Variants in EIF4G3 observed in about 807,000 individuals in gnomAD.
EIF4G3 encodes the protein eIF-4-gamma 3.
A neutral mutation model predicts 186.4 loss-of-function variants in EIF4G3; 34 were observed. That is an observed-to-expected ratio of 0.18 (90% confidence interval 0.14 to 0.24). The LOEUF (loss-of-function observed/expected upper bound fraction) is 0.24. Ranked by LOEUF, EIF4G3 falls within the 10% of genes least tolerant of loss-of-function variation. The pLI is 1.00. For missense variants in EIF4G3, 1,536 were observed against 1,948.5 expected (o/e 0.79, Z 3.99); for synonymous variants, 673 against 679.5 (o/e 0.99, Z 0.15).
chr1:20,927,865 G>A (rs1282240709), intron 14 of EIF4G3, among the ~76,000 whole-genome samples: 2 of 151,942 alleles, frequency 1.3e-5, no homozygotes, highest in East Asian at 3.9e-4. Context: ...GGTGTTTTTT[G>A]TTTTGTTTTT....
At chr1:21,094,093 A>G (rs1223243106) in intron 2 of EIF4G3, among the ~76,000 whole-genome samples, 3 of 152,002 alleles carry the variant, frequency 2.0e-5, no homozygotes, top group African/African-American at 7.3e-5. Flanking sequence ...CTAAAACTTA[A>G]AGTATAATAA....
chr1:20,849,415 C>T lies in EIF4G3; in HGVS notation c.3888G>A (p.Lys1296=). 1 of 1,481,728 alleles carries T rather than the reference C, an allele frequency of 6.7e-7. No homozygotes were observed. Among genetic ancestry groups the T allele is most frequent in the Non-Finnish European group, 9.1e-7 (1 of 1,097,112 alleles). The allele number at this position is 1,481,728 out of a possible 1,614,324, so 91.8% of individuals were successfully genotyped here. Residue 1296 remains lysine (K), a splice_region_variant and synonymous_variant, in exon 29 of 37, where the codon AAG becomes AAA. Coordinates refer to ENST00000602326, the MANE Select transcript of EIF4G3 (RefSeq NM_001391906.1). ...GTGTTTTTTTTTTAATCTCATTTAC[C>T]TTAAAATCATTAATGTGTAGAAATT... ...IDEFLHINDF[K]EAMQCVEELN...
chr1:21,172,897 T>C (rs537951312), intron 2 of EIF4G3, among the ~76,000 whole-genome samples: 43 of 150,852 alleles, frequency 2.9e-4, no homozygotes, highest in Middle Eastern at 3.4e-3. Context: ...TCCCAGCACT[T>C]TGGGAGGTAG....
intron 32 of EIF4G3, 51 bp from the exon 33 acceptor site, chr1:20,825,249 CAGA>C: frequency 4.7e-5 from 10 of 213,730 alleles, no homozygotes; most frequent in South Asian, 3.7e-4. Flanking sequence ...GAAGAAGAAA[CAGA>C]AAAAAAAAAA....
chr1:20,968,353 T>C (rs2075155821), intron 12 of EIF4G3, among the ~76,000 whole-genome samples: 1 of 152,076 alleles, frequency 6.6e-6, no homozygotes. Flanking sequence ...CTAATTTTTG[T>C]ATTTTTAGTA....
At chr1:20,854,618 T>C (rs2074335429) in intron 26 of EIF4G3, among the ~76,000 whole-genome samples, 1 of 151,306 alleles carries the variant, frequency 6.6e-6, no homozygotes. Context: ...GGCAGGAAGA[T>C]TGCTTGAACC....
chr1:21,023,406 T>C (rs942227084), intron 4 of EIF4G3, among the ~76,000 whole-genome samples: 7 of 150,486 alleles, frequency 4.7e-5, no homozygotes, highest in East Asian at 2.0e-4. Context: ...GTGCCTGCGA[T>C]TGCAGGCACG....
chr1:20,969,350 A>G, intron 12 of EIF4G3, 124 bp downstream of exon 12: 3 of 1,122,432 alleles, frequency 2.7e-6, no homozygotes, highest in Non-Finnish European at 2.5e-6. Context: ...TACCATTTAG[A>G]TATTCGAGGC....
intron 4 of EIF4G3, among the ~76,000 whole-genome samples, chr1:21,017,227 G>T (rs1460907991): frequency 1.3e-5 from 2 of 152,126 alleles, no homozygotes; most frequent in Non-Finnish European, 2.9e-5. Context: ...AACAAATACT[G>T]TTTGATTCCA....
At position 20,851,353 on chromosome 1, in the gene EIF4G3, C is replaced by A. The variant is rs541460610; in HGVS notation, c.3677G>T (p.Arg1226Leu). ...CTTCACGGTCTCCAGCATCTCTCTC[C>A]GCTGCTCTTCTTGAGACTGATTGTC... ...LLDNQSQEEQ[R>L]REMLETVKQL... The change falls in exon 28 of 37, where the codon CGG (arginine) becomes CTG (leucine). Residue 1226 changes from arginine (R) to leucine (L), a missense_variant. By Grantham distance (102) the Arg-to-Leu change is moderately radical. Transcript: ENST00000602326. 2 of 1,614,124 alleles carry A rather than the reference C, an allele frequency of 1.2e-6. No homozygotes were observed. Among genetic ancestry groups the A allele is most frequent in the South Asian group, 2.2e-5 (2 of 91,086 alleles).
chr1:21,176,620 A>AGCC (rs1244141116), intron 1 of EIF4G3, 102 bp downstream of exon 1: 5 of 239,110 alleles, frequency 2.1e-5, no homozygotes. Flanking sequence ...CGGCAGCAGC[A>AGCC]GCCGCCCCGC....
intron 12 of EIF4G3, among the ~76,000 whole-genome samples, chr1:20,960,336 G>A (rs528003543): frequency 6.6e-5 from 10 of 151,788 alleles, no homozygotes; most frequent in Non-Finnish European, 1.2e-4. Flanking sequence ...CATGGTGGCA[G>A]GCACCTGTAA....
intron 2 of EIF4G3, among the ~76,000 whole-genome samples, chr1:21,166,256 TAA>T (rs59903518): frequency 8.1e-4 from 113 of 139,156 alleles, no homozygotes; most frequent in Non-Finnish European, 8.0e-4. Flanking sequence ...CTGAGATCTC[TAA>T]AAAAAAAAAA....
intron 9 of EIF4G3, 64 bp downstream of exon 9, chr1:20,980,984 T>C: frequency 2.3e-6 from 3 of 1,326,812 alleles, no homozygotes; most frequent in Non-Finnish European, 3.0e-6. Flanking sequence ...CAGCTCCCTC[T>C]GATGTGAATC....
intron 2 of EIF4G3, among the ~76,000 whole-genome samples, chr1:21,163,802 G>C (rs1021056397): frequency 6.6e-6 from 1 of 152,050 alleles, no homozygotes; most frequent in African/African-American, 2.4e-5. Context: ...GACAGGGTCT[G>C]GCTCTGTAGC....
chr1:20,896,516 A>C (rs1420478840), intron 16 of EIF4G3, among the ~76,000 whole-genome samples: 2 of 152,082 alleles, frequency 1.3e-5, no homozygotes, highest in African/African-American at 4.8e-5. Context: ...GTTTTAAGCT[A>C]AATATTATTA....
intron 18 of EIF4G3, among the ~76,000 whole-genome samples, chr1:20,886,637 A>C (rs1034477059): frequency 6.6e-6 from 1 of 152,236 alleles, no homozygotes; most frequent in Admixed American, 6.5e-5. Context: ...AATGAGAAAG[A>C]CTAGTCCTAA....
At chr1:20,883,609 C>T (rs1389941045) in intron 19 of EIF4G3, among the ~76,000 whole-genome samples, 1 of 146,324 alleles carries the variant, frequency 6.8e-6, no homozygotes, top group Non-Finnish European at 1.5e-5. Context: ...AGAGCGAGAG[C>T]GAGACTCCAT....
intron 2 of EIF4G3, among the ~76,000 whole-genome samples, chr1:21,163,003 C>G (rs963767843): frequency 2.0e-5 from 3 of 152,080 alleles, no homozygotes; most frequent in African/African-American, 7.2e-5. Flanking sequence ...GAAAGCTGAA[C>G]CAGAAAAATC....
Sources: gnomAD v4.1 joint callset for allele counts (sites outside exome capture counted in the v4.1 genomes callset) on GRCh38, gnomAD v4.1.1 for gene constraint, MANE v1.5 for transcripts, NCBI Gene and HGNC (gene_info 2026-07-23, HGNC 2026-07-21) for gene names.